The following ANK3 variants were observed in gnomAD, a reference collection of about 807,000 sequenced individuals.
ANK3 encodes ankyrin-3.
ANK3 carries 57 observed loss-of-function variants against 370.9 expected under a neutral mutation model. That is an observed-to-expected ratio of 0.15 (90% CI 0.12 to 0.19). The LOEUF (loss-of-function observed/expected upper bound fraction) is 0.19, where lower values mean the gene tolerates loss of function less well. Ranked by LOEUF, ANK3 falls within the 10% of genes least tolerant of loss-of-function variation. ANK3 has a pLI of 1.00. For synonymous variants in ANK3, 1,929 were observed against 1,946.3 expected (o/e 0.99, Z 0.23); for missense variants, 4,439 against 5,302.1 (o/e 0.84, Z 5.06).
At chr10:60,068,299 T>C (rs1417565819) in intron 37 of ANK3, among the ~76,000 whole-genome samples, 1 of 152,146 alleles carries the variant, frequency 6.6e-6, no homozygotes, top group African/African-American at 2.4e-5. Context: ...AACACCATGA[T>C]GGGATTTCAA....
chr10:60,476,448 T>C (rs1186511925), intron 2 of ANK3, among the ~76,000 whole-genome samples: 2 of 152,138 alleles, frequency 1.3e-5, no homozygotes. Flanking sequence ...AAGAGAACGA[T>C]CAGGAAATAA....
At chr10:60,437,059 C>T (rs1423443215) in intron 2 of ANK3, among the ~76,000 whole-genome samples, 1 of 152,190 alleles carries the variant, frequency 6.6e-6, no homozygotes, top group Admixed American at 6.5e-5. Flanking sequence ...AACACTGCTC[C>T]TCTTAACCAA....
At chr10:60,520,031 T>G (rs1317464787) in intron 2 of ANK3, among the ~76,000 whole-genome samples, 1 of 152,126 alleles carries the variant, frequency 6.6e-6, no homozygotes, top group Non-Finnish European at 1.5e-5. Flanking sequence ...GGGCCCAAGA[T>G]TCAAGCTCAG....
chr10:60,361,376 T>C (rs964343764), intron 1 of ANK3, among the ~76,000 whole-genome samples: 2 of 152,206 alleles, frequency 1.3e-5, no homozygotes, highest in Non-Finnish European at 2.9e-5. Context: ...TTTGATACAC[T>C]AGAATTTCAA....
At chr10:60,536,150 G>T (rs1034907596) in intron 2 of ANK3, among the ~76,000 whole-genome samples, 6 of 152,000 alleles carry the variant, frequency 3.9e-5, no homozygotes, top group Non-Finnish European at 8.8e-5. Context: ...TTATTTTTCA[G>T]GAATTCACAA....
At chr10:60,491,438 A>G (rs908568087) in intron 2 of ANK3, among the ~76,000 whole-genome samples, 9 of 152,248 alleles carry the variant, frequency 5.9e-5, no homozygotes, top group African/African-American at 2.2e-4. Flanking sequence ...AAATCATAAT[A>G]ACATTTTCAA....
At chr10:60,309,922 CTTTTTTT>C (rs71015785) in intron 1 of ANK3, among the ~76,000 whole-genome samples, 157 of 134,264 alleles carry the variant, frequency 1.2e-3, no homozygotes, top group African/African-American at 1.9e-3. Context: ...TTTCTTTTTT[CTTTTTTT>C]TTTTTTTTTG....
Position 60,186,862 on chromosome 10 carries a change from T to C in ANK3, c.1938A>G (p.Ile646Met). 1 of 1,614,196 alleles carries C rather than the reference T, an allele frequency of 6.2e-7. No individual in the cohort carries two copies. The highest frequency in any genetic ancestry group is 8.5e-7 in the Non-Finnish European group (1 of 1,180,022). ...CACCATATTCCAGCAGAGTTGTCGCTATGTCCATCTGGTTCTTTTTGGCAG... is the reference window on the plus strand; with the variant it reads ...CACCATATTCCAGCAGAGTTGTCGCCATGTCCATCTGGTTCTTTTTGGCAG... Reference protein sequence around the residue: ...HIAAKKNQMDIATTLLEYGAD... With the variant: ...HIAAKKNQMDMATTLLEYGAD... Residue 646 changes from isoleucine to methionine, a missense_variant, in exon 17 of 44, where the codon ATA becomes ATG. Around this residue, in one of 13 missense-constraint regions of ANK3, gnomAD observed 192 missense variants for 192.1 expected, o/e 1.00. Transcript: ENST00000280772.
At chr10:60,053,707 A>T (rs2078555992) in intron 42 of ANK3, 1 of 1,303,896 alleles carries the variant, frequency 7.7e-7, no homozygotes, top group Non-Finnish European at 1.0e-6. Context: ...TCCGTGTAGG[A>T]GCCGCACCCG....
At chr10:60,064,019 T>TAC (rs2081144554) in intron 39 of ANK3, 138 bp downstream of exon 39, 2 of 737,950 alleles carry the variant, frequency 2.7e-6, no homozygotes, top group Admixed American at 7.7e-5. Context: ...GACTTGCTAT[T>TAC]ACCTCATGAT....
intron 23 of ANK3, among the ~76,000 whole-genome samples, chr10:60,161,379 G>A (rs781417345): frequency 6.6e-6 from 1 of 151,924 alleles, no homozygotes; most frequent in Non-Finnish European, 1.5e-5. Context: ...TCCCACTGCT[G>A]GGCATACATC....
chr10:60,616,737 T>C (rs2078272736), intron 1 of ANK3, among the ~76,000 whole-genome samples: 1 of 152,126 alleles, frequency 6.6e-6, no homozygotes, highest in South Asian at 2.1e-4. Context: ...GGAACAAACT[T>C]TTTTCATGGC....
Position 60,306,866 on chromosome 10 carries a change from C to T in ANK3, c.115-27227G>A, listed in dbSNP as rs545189340. Among the ~76,000 whole-genome samples, 25 of 152,220 alleles carry T rather than the reference C, an allele frequency of 1.6e-4. No individual in the cohort carries two copies. The East Asian group carries it at 4.3e-3, about 26-fold the overall frequency. The stretch of plus-strand genomic sequence containing the variant: ...GAATGGTCCTCCTGCCCTGGCCTCC[C>T]GAGTAGTAGGTGTGAGCTACCACAT... On this transcript the variant is annotated intron_variant, in intron 1 of 43. Coordinates refer to ENST00000280772, the MANE Select transcript of ANK3 (RefSeq NM_020987.5).
chr10:60,407,277 G>A (rs1013861823), intron 2 of ANK3, among the ~76,000 whole-genome samples: 1 of 152,164 alleles, frequency 6.6e-6, no homozygotes, highest in Admixed American at 6.5e-5. Flanking sequence ...CTTGAAGTAT[G>A]TGGCACCCCT....
intron 1 of ANK3, among the ~76,000 whole-genome samples, chr10:60,341,426 T>A (rs2054254991): frequency 6.6e-6 from 1 of 152,146 alleles, no homozygotes; most frequent in Admixed American, 6.6e-5. Context: ...AGGCCTTATG[T>A]TTCCCTAGAT....
chr10:60,541,965 A>G (rs1402515858), intron 2 of ANK3, among the ~76,000 whole-genome samples: 1 of 151,862 alleles, frequency 6.6e-6, no homozygotes, highest in Non-Finnish European at 1.5e-5. Context: ...CTAAAAACTA[A>G]AATCTGCTTC....
intron 2 of ANK3, among the ~76,000 whole-genome samples, chr10:60,456,866 A>G (rs1248915030): frequency 6.6e-6 from 1 of 152,072 alleles, no homozygotes; most frequent in Non-Finnish European, 1.5e-5. Flanking sequence ...GGTTAACCTT[A>G]ATTTATTGTT....
intron 8 of ANK3, among the ~76,000 whole-genome samples, chr10:60,215,114 G>A (rs2096916253): frequency 6.6e-6 from 1 of 152,132 alleles, no homozygotes; most frequent in Admixed American, 6.6e-5. Context: ...GATGATCACT[G>A]ATGTTGAACT....
intron 25 of ANK3, among the ~76,000 whole-genome samples, chr10:60,121,114 A>C (rs559073694): frequency 6.6e-6 from 1 of 152,312 alleles, no homozygotes; most frequent in East Asian, 1.9e-4. Context: ...GAGTATGTAC[A>C]CGCAACGGAG....
Sources: allele counts gnomAD v4.1 joint callset (sites outside exome capture counted in the v4.1 genomes callset), GRCh38; gene constraint gnomAD v4.1.1; regional missense constraint gnomAD v4.1.1; transcripts MANE v1.5; gene names NCBI Gene and HGNC (gene_info 2026-07-23, HGNC 2026-07-21).